URGCP: variants seen among roughly 807,000 people sequenced by gnomAD.
URGCP encodes the protein upregulator of cell proliferation, also known as up-regulator of cell proliferation.
In URGCP, 13 loss-of-function variants were observed where a neutral mutation model predicts 24.6. The observed-to-expected ratio is 0.53, with a 90% CI of 0.34 to 0.84. URGCP has a LOEUF of 0.84. URGCP is among the 40% of genes least tolerant of loss of function. The pLI, the probability that URGCP is intolerant of heterozygous loss-of-function variation, is 0.01. For missense variants in URGCP, 899 were observed against 1,194.3 expected, an observed-to-expected ratio of 0.75 and a Z score of 3.64; for synonymous variants, 444 against 487.2, an observed-to-expected ratio of 0.91 and a Z score of 1.17.
intron 1 of URGCP, among the ~76,000 whole-genome samples, chr7:43,916,365 G>A (rs1056628913): frequency 6.6e-6 from 1 of 152,118 alleles, no homozygotes; most frequent in African/African-American, 2.4e-5. Flanking sequence ...TCCCTTGTTG[G>A]AGAAGGACTC....
At position 43,878,768 on chromosome 7, in the gene URGCP, A is replaced by G. The variant is rs1208133844; in HGVS notation, c.695T>C (p.Met232Thr). The change falls in exon 6 of 6, where the codon ATG (methionine) becomes ACG (threonine). Residue 232 changes from methionine (M) to threonine (T), a missense_variant. Met to Thr is a moderately conservative substitution (Grantham distance 81, BLOSUM62 -1). Transcript: ENST00000453200. This position sits in a 1 kb window ranked among gnomAD's most constrained non-coding sequence, Gnocchi z 5.6. ...CCACCATGTCCTCACAATGCCCCGC[A>G]TGGCCCACAGCAGAAATGTATGGTA... Reference protein sequence around the residue: ...NHYHTFLLWAMRGIVRTWWSQ... With the variant: ...NHYHTFLLWATRGIVRTWWSQ... The G allele has an allele frequency of 2.5e-6, 4 of 1,613,998 alleles. No individual in the cohort carries two copies. The highest frequency in any genetic ancestry group is 1.3e-5 in the African/African-American group (1 of 74,948).
chr7:43,926,663 G>A (rs2095931562), upstream of URGCP: 5 of 1,240,322 alleles, frequency 4.0e-6, no homozygotes, highest in Non-Finnish European at 4.4e-6. Flanking sequence ...GCGAGTCGCG[G>A]ATACACCTGC....
chr7:43,906,150 CAGG>C (rs2095901862), intron 1 of URGCP: 1 of 152,142 alleles, frequency 6.6e-6, no homozygotes, highest in African/African-American at 2.4e-5. Context: ...ACATCGATAC[CAGG>C]CGCCGGAGCG....
intron 5 of URGCP, chr7:43,879,638 T>C (rs965319429): frequency 1.1e-5 from 2 of 186,250 alleles, no homozygotes; most frequent in Admixed American, 5.4e-5. Context: ...GAGCAGCACA[T>C]GACTCCTACA....
chr7:43,881,627 G>T, intron 5 of URGCP, 32 bp downstream of exon 5: 1 of 1,613,986 alleles, frequency 6.2e-7, no homozygotes, highest in Non-Finnish European at 8.5e-7. Context: ...CCCTTTCATA[G>T]AACAGAGAGA....
intron 1 of URGCP, among the ~76,000 whole-genome samples, chr7:43,904,032 T>C (rs1305350774): frequency 6.6e-6 from 1 of 152,260 alleles, no homozygotes; most frequent in East Asian, 1.9e-4. Context: ...GATGGCAGCA[T>C]GAGCTGCTCC....
At chr7:43,886,200 T>C (rs1054853536) in intron 3 of URGCP, among the ~76,000 whole-genome samples, 11 of 152,214 alleles carry the variant, frequency 7.2e-5, no homozygotes, top group African/African-American at 2.7e-4. Context: ...GTTGCGCAGG[T>C]TGGTCTCAAA....
At position 43,877,874 on chromosome 7, in the gene URGCP, C is replaced by T. The variant is rs746473611; in HGVS notation, c.1589G>A (p.Arg530Gln). The change falls in exon 6 of 6, where the codon CGG (arginine) becomes CAG (glutamine). Residue 530 changes from arginine (R) to glutamine (Q), a missense_variant. By Grantham distance (43) the Arg-to-Gln change is conservative. Transcript: ENST00000453200. Reference sequence around the variant, plus strand: ...CTGCATTCGAAGTTCTAGCAGCCGCCGCCTCAGCTCAGCCCTGTGCTTCTC... The same window carrying T: ...CTGCATTCGAAGTTCTAGCAGCCGCTGCCTCAGCTCAGCCCTGTGCTTCTC... ...PPEKHRAELR[R>Q]RLLELRMQQN... 9.9e-6 allele frequency: 16 copies of T among 1,612,508 alleles called. No individual in the cohort carries two copies. The highest frequency in any genetic ancestry group is 4.5e-5 in the East Asian group (2 of 44,860).
intron 1 of URGCP, among the ~76,000 whole-genome samples, chr7:43,911,862 C>T (rs1175629051): frequency 6.6e-6 from 1 of 152,026 alleles, no homozygotes; most frequent in Non-Finnish European, 1.5e-5. Context: ...TATAAAGTAT[C>T]TTTTTTGATC....
chr7:43,887,582 A>C, intron 2 of URGCP, 97 bp from the exon 3 acceptor site: 1 of 1,521,854 alleles, frequency 6.6e-7, no homozygotes, highest in South Asian at 1.3e-5. Flanking sequence ...AGAGCTTTTA[A>C]AAACTATAAA....
intron 3 of URGCP, chr7:43,882,184 A>G (rs2095854978): frequency 2.1e-6 from 1 of 480,056 alleles, no homozygotes; most frequent in Non-Finnish European, 3.4e-6. Flanking sequence ...CATGCCTGTA[A>G]TCTCAGCACT....
At chr7:43,915,247 A>G (rs896998934) in intron 1 of URGCP, among the ~76,000 whole-genome samples, 1 of 152,172 alleles carries the variant, frequency 6.6e-6, no homozygotes. Flanking sequence ...GGAGCAAAAA[A>G]TCCTGCATCA....
In URGCP at chr7:43,877,698, G is replaced by T. The variant is rs956830437; in HGVS notation, c.1765C>A (p.Leu589Ile). 4 of 1,613,742 alleles carry T rather than the reference G, an allele frequency of 2.5e-6. No homozygotes were observed. In the African/African-American group the frequency reaches 5.3e-5, roughly 22 times the overall value. The change falls in exon 6 of 6, where the codon CTT becomes ATT. Residue 589 changes from leucine (L) to isoleucine (I), a missense_variant. Transcript: ENST00000453200. Reference protein sequence around the residue: ...QPRLRQPPETLLTLRPKHGGT... With the variant: ...QPRLRQPPETILTLRPKHGGT... ...CCATGCTTTGGTCTCAGGGTGAGAA[G>T]CGTCTCCGGAGGCTGTCTCAGTCGC...
chr7:43,926,191 T>C (rs1402223236), exon 1 of URGCP: 1 of 170,928 alleles, frequency 5.9e-6, no homozygotes, highest in African/African-American at 2.4e-5. Flanking sequence ...GCCCAGGATG[T>C]AGGAACAGGG....
chr7:43,918,519 G>A (rs1373443934), intron 1 of URGCP, among the ~76,000 whole-genome samples: 1 of 152,056 alleles, frequency 6.6e-6, no homozygotes, highest in Non-Finnish European at 1.5e-5. Context: ...GACCTCAAGT[G>A]ATCCGCCCAC....
chr7:43,897,002 C>T (rs937729091), intron 1 of URGCP, among the ~76,000 whole-genome samples: 1 of 152,150 alleles, frequency 6.6e-6, no homozygotes, highest in Non-Finnish European at 1.5e-5. Context: ...AAAGGTTCTG[C>T]TCTTGGTTTA....
chr7:43,919,074 G>A, intron 1 of URGCP: 2 of 959,706 alleles, frequency 2.1e-6, no homozygotes, highest in South Asian at 2.6e-5. Context: ...CCAGGAGGCA[G>A]ATGGTAGTGA....
At chr7:43,903,869 G>A (rs552403351) in intron 1 of URGCP, among the ~76,000 whole-genome samples, 5 of 152,270 alleles carry the variant, frequency 3.3e-5, no homozygotes, top group South Asian at 2.1e-4. Flanking sequence ...TGGGACTAGC[G>A]GAGATGGATT....
In URGCP at chr7:43,877,662, C is replaced by T; in HGVS notation, c.1801G>A (p.Asp601Asn). ...TLRPKHGGTT[D>N]VGEPLWPEPL... ...TCAGGCCAGAGCGGCTCCCCCACGT[C>T]TGTGGTGCCCCCATGCTTTGGTCTC... The change falls in exon 6 of 6, where the codon GAC becomes AAC. Residue 601 changes from aspartate to asparagine, a missense_variant. Asp to Asn is a conservative substitution (Grantham distance 23). Coordinates refer to ENST00000453200, the MANE Select transcript of URGCP (RefSeq NM_001077663.3). The T allele has an allele frequency of 6.2e-7, 1 of 1,614,130 alleles. No homozygotes were observed. The highest frequency in any genetic ancestry group is 1.7e-5 in the Admixed American group (1 of 60,030).
Sources: allele counts gnomAD v4.1 joint callset (sites outside exome capture counted in the v4.1 genomes callset), GRCh38; gene constraint gnomAD v4.1.1; non-coding constraint Gnocchi (gnomAD v3.1); transcripts MANE v1.5; gene names NCBI Gene and HGNC (gene_info 2026-07-23, HGNC 2026-07-21).